The following FUBP1 variants were observed in gnomAD, a reference collection of about 807,000 sequenced individuals.
FUBP1 encodes the protein far upstream element binding protein 1.
A neutral mutation model predicts 94.9 loss-of-function variants in FUBP1; 16 were observed. The ratio of observed to expected loss-of-function variants is 0.17; its 90% CI spans 0.11 to 0.26. The LOEUF is 0.26. Among genes scored for constraint, FUBP1 ranks in the 10% least tolerant of loss-of-function variants. The pLI, the probability that FUBP1 is intolerant of heterozygous loss-of-function variation, is 1.00. For synonymous variants in FUBP1, 279 were observed against 254.9 expected (o/e 1.09, Z -0.90); for missense variants, 583 against 808.6 (o/e 0.72, Z 3.38).
intron 16 of FUBP1, 92 bp downstream of exon 16, chr1:77,960,092 C>T (rs1305791055): frequency 6.9e-6 from 6 of 863,722 alleles, no homozygotes; most frequent in Non-Finnish European, 3.8e-6. Flanking sequence ...GAAGGTGATG[C>T]ATACAAATGT....
intron 18 of FUBP1, among the ~76,000 whole-genome samples, chr1:77,952,593 T>C (rs1417440031): frequency 2.0e-5 from 3 of 152,162 alleles, no homozygotes; most frequent in Non-Finnish European, 1.5e-5. Context: ...GATAAAGATA[T>C]CTCCCTATTA....
At position 77,979,048 on chromosome 1, in the gene FUBP1, C is replaced by T. The variant is rs1291905746; in HGVS notation, c.-44G>A. 1.3e-6 allele frequency: 2 copies of T among 1,557,400 alleles called. No homozygotes were observed. Among genetic ancestry groups the T allele is most frequent in the East Asian group, 4.6e-5 (2 of 43,018 alleles). On this transcript the variant is annotated 5_prime_UTR_variant, in exon 1 of 20. Transcript: ENST00000370768. ...GCTGCCGCCTGTTCAGAGACTTCCT[C>T]TCAGCTAACAGCTAAGAAAGAAAGA...
intron 2 of FUBP1, 72 bp from the exon 3 acceptor site, chr1:77,968,275 A>G: frequency 2.4e-6 from 2 of 830,096 alleles, no homozygotes; most frequent in Non-Finnish European, 3.8e-6. Context: ...ACAAGAATAA[A>G]TAACAATATA....
chr1:77,963,790 A>AC (rs1655974244), intron 12 of FUBP1, 75 bp from the exon 13 acceptor site: 1 of 1,278,144 alleles, frequency 7.8e-7, no homozygotes, highest in East Asian at 2.4e-5. Context: ...TATTAAGTTT[A>AC]TTTTTCCCAG....
At chr1:77,959,641 T>C (rs1367666692) in intron 16 of FUBP1, among the ~76,000 whole-genome samples, 2 of 152,062 alleles carry the variant, frequency 1.3e-5, no homozygotes, top group East Asian at 1.9e-4. Context: ...ACTTCTAGGC[T>C]CAAGCAATCC....
At position 77,948,001 on chromosome 1, in the gene FUBP1, C is replaced by G; in HGVS notation, c.*765G>C. On this transcript the variant is annotated 3_prime_UTR_variant, in exon 20 of 20. Coordinates refer to ENST00000370768, the MANE Select transcript of FUBP1 (RefSeq NM_003902.5). ...TGAAAACTGTTTAAAATTAGTTATGCCGAAACAGTCTTGGAAATCAAGTAT... is the reference window on the plus strand; with the variant it reads ...TGAAAACTGTTTAAAATTAGTTATGGCGAAACAGTCTTGGAAATCAAGTAT... 1.9e-6 allele frequency: 2 copies of G among 1,028,408 alleles called. No homozygotes were observed. Among genetic ancestry groups the G allele is most frequent in the Non-Finnish European group, 2.4e-6 (2 of 850,312 alleles). The allele number at this position is 1,028,408 out of a possible 1,614,324, so 63.7% of individuals were successfully genotyped here. A position where few individuals can be genotyped will look rare whatever the true frequency, so the allele number is the denominator to read the frequency against.
chr1:77,953,334 A>G (rs1424022493), intron 18 of FUBP1, among the ~76,000 whole-genome samples: 2 of 151,930 alleles, frequency 1.3e-5, no homozygotes, highest in African/African-American at 2.4e-5. Flanking sequence ...TACTAAATAT[A>G]CAAAAAATCA....
In FUBP1 at chr1:77,947,830, G is replaced by A; in HGVS notation, c.*936C>T. 9.0e-7 allele frequency: 1 copy of A among 1,111,208 alleles called. No individual in the cohort carries two copies. The highest frequency in any genetic ancestry group is 1.1e-6 in the Non-Finnish European group (1 of 883,454). The allele number at this position is 1,111,208 out of a possible 1,614,324, so 68.8% of individuals were successfully genotyped here. A position where few individuals can be genotyped will look rare whatever the true frequency, so the allele number is the denominator to read the frequency against. ...TTCCATACCCCATTTATGTTTCAATGGCAGATGCAATGTAGCTATACTTTT... is the reference window on the plus strand; with the variant it reads ...TTCCATACCCCATTTATGTTTCAATAGCAGATGCAATGTAGCTATACTTTT... On this transcript the variant is annotated 3_prime_UTR_variant, in exon 20 of 20. Coordinates refer to ENST00000370768, the MANE Select transcript of FUBP1 (RefSeq NM_003902.5).
chr1:77,951,562 G>C (rs1279365290), intron 18 of FUBP1, among the ~76,000 whole-genome samples: 4 of 152,128 alleles, frequency 2.6e-5, no homozygotes, highest in African/African-American at 9.7e-5. Context: ...ATTTTGTTTT[G>C]AGACAGGGTC....
chr1:77,952,701 G>A (rs990369162), intron 18 of FUBP1, among the ~76,000 whole-genome samples: 1 of 152,092 alleles, frequency 6.6e-6, no homozygotes, highest in African/African-American at 2.4e-5. Flanking sequence ...TGACAGGTAA[G>A]GTACCTAGAA....
chr1:77,951,663 G>C (rs887240388), intron 18 of FUBP1, among the ~76,000 whole-genome samples: 1 of 152,168 alleles, frequency 6.6e-6, no homozygotes, highest in Non-Finnish European at 1.5e-5. Flanking sequence ...TTATACTTCA[G>C]TAGAACATTA....
At chr1:77,969,055 T>G in intron 2 of FUBP1, 1 of 1,290,812 alleles carries the variant, frequency 7.7e-7, no homozygotes, top group Non-Finnish European at 1.0e-6. Context: ...TCCCAGTGTG[T>G]TGTACTGCTC....
At chr1:77,956,386 G>A (rs1326601643) in intron 17 of FUBP1, among the ~76,000 whole-genome samples, 186 bp downstream of exon 17, 1 of 152,112 alleles carries the variant, frequency 6.6e-6, no homozygotes, top group Admixed American at 6.6e-5. Context: ...TGGGTGCTCC[G>A]GGTATTCTTC....
rs1012304314 is a variant in FUBP1, at chr1:77,945,134, T to C, written c.*3632A>G. 2.6e-5 allele frequency among the ~76,000 whole-genome samples: 4 copies of C among 151,994 alleles called. No homozygotes were observed. Among genetic ancestry groups the C allele is most frequent in the South Asian group, 2.1e-4 (1 of 4,834 alleles). On this transcript the variant is annotated 3_prime_UTR_variant, in exon 20 of 20. Coordinates refer to ENST00000370768, the MANE Select transcript of FUBP1 (RefSeq NM_003902.5). Reference sequence around the variant, plus strand: ...TGCTTATAGTATCAGTGAAGGCTTATGGTAATGAATAAAAGAATTCTCATG... The same window carrying C: ...TGCTTATAGTATCAGTGAAGGCTTACGGTAATGAATAAAAGAATTCTCATG...
At chr1:77,972,334 A>C (rs1433590575) in intron 1 of FUBP1, among the ~76,000 whole-genome samples, 4 of 152,150 alleles carry the variant, frequency 2.6e-5, no homozygotes, top group Admixed American at 6.6e-5. Context: ...GCTTTTATAA[A>C]TACTCTATGA....
chr1:77,952,707 T>C (rs1653708556), intron 18 of FUBP1, among the ~76,000 whole-genome samples: 1 of 152,212 alleles, frequency 6.6e-6, no homozygotes. Flanking sequence ...GTAAGGTACC[T>C]AGAAGAAATT....
intron 16 of FUBP1, among the ~76,000 whole-genome samples, chr1:77,957,406 C>T (rs1654661495): frequency 6.6e-6 from 1 of 152,162 alleles, no homozygotes; most frequent in African/African-American, 2.4e-5. Context: ...CAACACAGTG[C>T]TTGTACTTTT....
At chr1:77,955,059 A>G (rs1654195195) in intron 18 of FUBP1, among the ~76,000 whole-genome samples, 196 bp downstream of exon 18, 1 of 152,178 alleles carries the variant, frequency 6.6e-6, no homozygotes. Flanking sequence ...TCTAGTTTCA[A>G]TTAATAACTG....
chr1:77,951,743 A>G (rs1217647397), intron 18 of FUBP1, among the ~76,000 whole-genome samples: 1 of 152,218 alleles, frequency 6.6e-6, no homozygotes, highest in African/African-American at 2.4e-5. Flanking sequence ...CATCCCAAAG[A>G]TAAAAGACTT....
Sources: gnomAD v4.1 joint callset for allele counts (sites outside exome capture counted in the v4.1 genomes callset) on GRCh38, gnomAD v4.1.1 for gene constraint, MANE v1.5 for transcripts, NCBI Gene and HGNC (gene_info 2026-07-23, HGNC 2026-07-21) for gene names.